The following KCNIP4 variants were observed in gnomAD, a reference collection of about 807,000 sequenced individuals.
KCNIP4 encodes Kv channel-interacting protein 4.
KCNIP4 carries 12 observed loss-of-function variants against 34.0 expected under a neutral mutation model. The ratio of observed to expected loss-of-function variants is 0.35; its 90% confidence interval spans 0.23 to 0.57. KCNIP4 has a LOEUF of 0.57. KCNIP4 is among the 20% of genes least tolerant of loss of function. The probability of loss-of-function intolerance (pLI) is 0.83; values close to 1 mark genes in which losing one functional copy is unlikely to be tolerated. For synonymous variants in KCNIP4, 124 were observed against 102.2 expected (o/e 1.21, Z -1.29); for missense variants, 238 against 311.7 (o/e 0.76, Z 1.78).
At chr4:21,607,263 C>T (rs73254375) in intron 1 of KCNIP4, among the ~76,000 whole-genome samples, 4 of 152,068 alleles carry the variant, frequency 2.6e-5, no homozygotes, top group African/African-American at 4.8e-5. Context: ...CAGTGAATAA[C>T]GCCTATCTCA....
intron 1 of KCNIP4, among the ~76,000 whole-genome samples, chr4:21,748,250 A>C (rs768132487): frequency 6.6e-6 from 1 of 152,192 alleles, no homozygotes; most frequent in Non-Finnish European, 1.5e-5. Flanking sequence ...CCAAAAGAGC[A>C]GAGTCAAAGG....
rs1226439714 is a variant in KCNIP4, at chr4:21,178,515, GGA to G, written c.62-295808_62-295807del. Among the ~76,000 whole-genome samples, 807 of 149,236 alleles carry G rather than the reference GGA, an allele frequency of 5.4e-3. 18 individuals are homozygous for G. The highest frequency in any genetic ancestry group is 0.019 in the African/African-American group (731 of 38,778). ...TCCAGGTATAGTAACCATGTGTCCA[GGA>G]TAGTTATTTAAGTCCCATGGGTTTA... On this transcript the variant is annotated intron_variant, in intron 1 of 8. Transcript: ENST00000382152.
At chr4:20,792,395 C>A (rs1369113816) in intron 3 of KCNIP4, among the ~76,000 whole-genome samples, 1 of 151,720 alleles carries the variant, frequency 6.6e-6, no homozygotes, top group Non-Finnish European at 1.5e-5. Context: ...AAACCCAAAG[C>A]AAACAACAAC....
intron 1 of KCNIP4, among the ~76,000 whole-genome samples, chr4:21,153,621 T>C (rs953164836): frequency 1.8e-4 from 28 of 151,846 alleles, no homozygotes; most frequent in Admixed American, 1.6e-3. Context: ...ATTATCCCAT[T>C]GTCTGGACAA....
intron 1 of KCNIP4, among the ~76,000 whole-genome samples, chr4:21,167,452 T>C (rs1165433506): frequency 6.6e-6 from 1 of 152,238 alleles, no homozygotes; most frequent in Non-Finnish European, 1.5e-5. Context: ...AATTCTCTGC[T>C]TCCTATCATT....
At chr4:21,747,584 T>C (rs1339655804) in intron 1 of KCNIP4, among the ~76,000 whole-genome samples, 2 of 152,166 alleles carry the variant, frequency 1.3e-5, no homozygotes, top group South Asian at 2.1e-4. Context: ...ACACTCAATC[T>C]TGGAGTTTGT....
Position 21,619,173 on chromosome 4 carries a change from C to T in KCNIP4, c.61+329398G>A, listed in dbSNP as rs563072788. Among the ~76,000 whole-genome samples, 389 of 152,190 alleles carry T rather than the reference C, an allele frequency of 2.6e-3. 2 individuals are homozygous for T. Among genetic ancestry groups the T allele is most frequent in the African/African-American group, 9.2e-3 (381 of 41,526 alleles). ...CCTCCGACTTCCCTCCTTAAGTCCTCGTTCAGAACTATTTTCACTGTACCA... is the reference window on the plus strand; with the variant it reads ...CCTCCGACTTCCCTCCTTAAGTCCTTGTTCAGAACTATTTTCACTGTACCA... On this transcript the variant is annotated intron_variant, in intron 1 of 8. Coordinates refer to ENST00000382152, the MANE Select transcript of KCNIP4 (RefSeq NM_025221.6).
chr4:21,895,278 T>C lies in KCNIP4; in HGVS notation c.61+53293A>G, dbSNP rs540403111. On this transcript the variant is annotated intron_variant, in intron 1 of 8. Transcript: ENST00000382152. Reference sequence around the variant, plus strand: ...GGTCAAAATGAGACAGACAACTGATTTCAACATTTCTTTTTCTCTAGGTAT... The same window carrying C: ...GGTCAAAATGAGACAGACAACTGATCTCAACATTTCTTTTTCTCTAGGTAT... Among the ~76,000 whole-genome samples, 243 of 152,276 alleles carry C rather than the reference T, an allele frequency of 1.6e-3. 1 individual carries two copies. The highest frequency in any genetic ancestry group is 0.01 in the Middle Eastern group (3 of 294).
intron 1 of KCNIP4, among the ~76,000 whole-genome samples, chr4:21,230,815 A>G (rs1207024973): frequency 2.6e-5 from 4 of 152,188 alleles, no homozygotes; most frequent in South Asian, 2.1e-4. Context: ...CTAGTGCTGC[A>G]ATGAACATAC....
At chr4:20,736,944 G>A (rs756399402) in intron 5 of KCNIP4, among the ~76,000 whole-genome samples, 31 of 152,180 alleles carry the variant, frequency 2.0e-4, no homozygotes, top group Non-Finnish European at 3.5e-4. Context: ...TGTGGTACTG[G>A]CATAAAGACA....
chr4:21,740,538 G>T (rs974464123), intron 1 of KCNIP4, among the ~76,000 whole-genome samples: 1 of 151,998 alleles, frequency 6.6e-6, no homozygotes, highest in Admixed American at 6.6e-5. Context: ...CCTTCATAGA[G>T]CTTTAATTGT....
chr4:21,567,388 T>C (rs187265325), intron 1 of KCNIP4, among the ~76,000 whole-genome samples: 30 of 152,178 alleles, frequency 2.0e-4, no homozygotes, highest in Admixed American at 1.9e-3. Context: ...TAGACTTATA[T>C]GGAAGGGGGC....
intron 1 of KCNIP4, among the ~76,000 whole-genome samples, chr4:21,552,882 T>C (rs1022758022): frequency 5.3e-5 from 8 of 152,132 alleles, no homozygotes; most frequent in Non-Finnish European, 1.0e-4. Flanking sequence ...ATAAAATTTC[T>C]GCTGAGTTAA....
intron 1 of KCNIP4, among the ~76,000 whole-genome samples, chr4:21,213,601 C>T (rs7680275): frequency 2.6e-5 from 4 of 151,978 alleles, no homozygotes; most frequent in Admixed American, 6.6e-5. Flanking sequence ...CATGCACGGC[C>T]GAAAGCACTA....
intron 1 of KCNIP4, among the ~76,000 whole-genome samples, chr4:20,979,156 T>C (rs1325902008): frequency 6.6e-6 from 1 of 152,184 alleles, no homozygotes; most frequent in African/African-American, 2.4e-5. Context: ...TTTCTTTCTT[T>C]TCTCATAAAA....
intron 1 of KCNIP4, among the ~76,000 whole-genome samples, chr4:21,798,619 A>G (rs1051458372): frequency 1.3e-5 from 2 of 151,464 alleles, no homozygotes; most frequent in Non-Finnish European, 2.9e-5. Flanking sequence ...CTTTTAAGCT[A>G]TTCTCCAATA....
At chr4:21,057,205 G>C (rs1469735) in intron 1 of KCNIP4, among the ~76,000 whole-genome samples, 14 of 152,048 alleles carry the variant, frequency 9.2e-5, no homozygotes, top group African/African-American at 3.1e-4. Flanking sequence ...TTTACAATGC[G>C]TACAAATCAT....
At chr4:21,444,643 T>C (rs1280850370) in intron 1 of KCNIP4, among the ~76,000 whole-genome samples, 2 of 152,276 alleles carry the variant, frequency 1.3e-5, no homozygotes, top group East Asian at 3.9e-4. Flanking sequence ...ATAAGAGCTA[T>C]TTATGATAAC....
intron 1 of KCNIP4, among the ~76,000 whole-genome samples, chr4:21,152,381 C>A (rs775136560): frequency 1.3e-5 from 2 of 152,274 alleles, no homozygotes; most frequent in African/African-American, 4.8e-5. Context: ...TCTCTAACTT[C>A]TTTTCTTCCA....
Sources: gnomAD v4.1 joint callset for allele counts (sites outside exome capture counted in the v4.1 genomes callset) on GRCh38, gnomAD v4.1.1 for gene constraint, MANE v1.5 for transcripts, NCBI Gene and HGNC (gene_info 2026-07-23, HGNC 2026-07-21) for gene names.